The following SNX29 variants were observed in gnomAD, a reference collection of about 807,000 sequenced individuals.
SNX29 encodes the protein sorting nexin 29, also known as sorting nexin-29.
A neutral mutation model predicts 102.1 loss-of-function variants in SNX29; 78 were observed. The ratio of observed to expected loss-of-function variants is 0.76; its 90% CI spans 0.64 to 0.92. SNX29 has a LOEUF of 0.92. Among genes scored for constraint, SNX29 ranks in the 40% least tolerant of loss-of-function variants. The pLI, the probability that SNX29 is intolerant of heterozygous loss-of-function variation, is 0.00. For synonymous variants in SNX29, 580 were observed against 414.5 expected (o/e 1.40, Z -4.85); for missense variants, 1,280 against 1,061.7 (o/e 1.21, Z -2.86).
chr16:12,360,102 G>T (rs1237270710), intron 16 of SNX29, among the ~76,000 whole-genome samples: 1 of 152,218 alleles, frequency 6.6e-6, no homozygotes, highest in Non-Finnish European at 1.5e-5. Flanking sequence ...GGGATTACTG[G>T]CGTGAGCCAC....
intron 13 of SNX29, among the ~76,000 whole-genome samples, chr16:12,153,451 A>G (rs2055385874): frequency 6.8e-6 from 1 of 147,946 alleles, no homozygotes; most frequent in Admixed American, 6.8e-5. Flanking sequence ...CTCCCTCTGA[A>G]TCTTTGTCTC....
At chr16:12,175,699 C>G (rs2076245316) in intron 13 of SNX29, among the ~76,000 whole-genome samples, 1 of 151,710 alleles carries the variant, frequency 6.6e-6, no homozygotes, top group African/African-American at 2.4e-5. Context: ...GACCGATACC[C>G]TTATAAGAAG....
chr16:12,040,462 T>C (rs1322192852), intron 4 of SNX29, among the ~76,000 whole-genome samples: 1 of 152,220 alleles, frequency 6.6e-6, no homozygotes, highest in Non-Finnish European at 1.5e-5. Flanking sequence ...GAGATACAAG[T>C]AGTTGTAGGA....
chr16:12,510,511 A>G (rs1488185228), intron 19 of SNX29, among the ~76,000 whole-genome samples: 28 of 152,076 alleles, frequency 1.8e-4, no homozygotes, highest in Admixed American at 1.8e-3. Flanking sequence ...TGTCTCTACT[A>G]AAAAGACAAA....
intron 16 of SNX29, among the ~76,000 whole-genome samples, chr16:12,363,081 C>G (rs2082353140): frequency 6.6e-6 from 1 of 152,166 alleles, no homozygotes; most frequent in African/African-American, 2.4e-5. Context: ...AGATCCTTTC[C>G]TCTGGCAGGC....
intron 5 of SNX29, among the ~76,000 whole-genome samples, chr16:12,044,587 C>A (rs545830969): frequency 2.6e-5 from 4 of 152,116 alleles, no homozygotes; most frequent in Admixed American, 1.3e-4. Flanking sequence ...TTCTTTCTTT[C>A]CTTTTTTTTG....
At chr16:12,122,356 T>C (rs1279849682) in intron 11 of SNX29, among the ~76,000 whole-genome samples, 1 of 151,944 alleles carries the variant, frequency 6.6e-6, no homozygotes, top group Non-Finnish European at 1.5e-5. Context: ...TGATTACAAG[T>C]GGGGTGGGTG....
intron 20 of SNX29, among the ~76,000 whole-genome samples, chr16:12,555,461 G>A (rs376727036): frequency 6.6e-6 from 1 of 151,788 alleles, no homozygotes; most frequent in Non-Finnish European, 1.5e-5. Flanking sequence ...TGTTTCCCTA[G>A]TTGACATGTC....
chr16:12,425,510 C>T (rs2085030032), intron 18 of SNX29, among the ~76,000 whole-genome samples: 1 of 133,642 alleles, frequency 7.5e-6, no homozygotes, highest in African/African-American at 2.8e-5. Context: ...CAAGTCCACA[C>T]TACCCAAATG....
chr16:12,451,485 C>T (rs1177655902), intron 18 of SNX29, among the ~76,000 whole-genome samples: 1 of 152,228 alleles, frequency 6.6e-6, no homozygotes, highest in Admixed American at 6.5e-5. Flanking sequence ...CTGCTCTGTT[C>T]TATTTACCAA....
At chr16:12,268,255 T>C (rs1157247396) in intron 14 of SNX29, among the ~76,000 whole-genome samples, 1 of 152,242 alleles carries the variant, frequency 6.6e-6, no homozygotes, top group African/African-American at 2.4e-5. Flanking sequence ...AAGCTTCATA[T>C]TGGCACTCAC....
intron 14 of SNX29, among the ~76,000 whole-genome samples, chr16:12,220,139 A>G (rs2077437926): frequency 6.6e-6 from 1 of 152,184 alleles, no homozygotes; most frequent in Non-Finnish European, 1.5e-5. Flanking sequence ...CCGCGCTGTG[A>G]GTTGGAGGTA....
At chr16:12,204,486 C>A (rs1465688411) in intron 14 of SNX29, among the ~76,000 whole-genome samples, 1 of 152,210 alleles carries the variant, frequency 6.6e-6, no homozygotes, top group Admixed American at 6.5e-5. Context: ...CTGTTCATGG[C>A]CACCATAGCG....
intron 9 of SNX29, among the ~76,000 whole-genome samples, chr16:12,067,024 TAAATAAA>T (rs2051070545): frequency 8.8e-6 from 1 of 113,794 alleles, no homozygotes; most frequent in Non-Finnish European, 1.9e-5. Flanking sequence ...AATAAATAAA[TAAATAAA>T]TAAGCAGGCC....
intron 20 of SNX29, among the ~76,000 whole-genome samples, chr16:12,561,869 G>C (rs1251163254): frequency 6.6e-6 from 1 of 152,138 alleles, no homozygotes; most frequent in South Asian, 2.1e-4. Flanking sequence ...GGGACTTATG[G>C]GCTGTCTCCT....
chr16:12,485,342 C>T (rs967753316), intron 19 of SNX29, among the ~76,000 whole-genome samples: 6 of 152,094 alleles, frequency 3.9e-5, no homozygotes, highest in African/African-American at 1.2e-4. Context: ...GCTCAGGGAG[C>T]GAATGAGAAT....
At chr16:12,065,212 G>A (rs1382824468) in intron 9 of SNX29, among the ~76,000 whole-genome samples, 3 of 152,186 alleles carry the variant, frequency 2.0e-5, no homozygotes, top group Admixed American at 1.3e-4. Context: ...GGTTGCAAGA[G>A]GAGACCCCAG....
chr16:12,428,500 C>T (rs1002937426), intron 18 of SNX29, among the ~76,000 whole-genome samples: 5 of 152,216 alleles, frequency 3.3e-5, no homozygotes, highest in Non-Finnish European at 7.3e-5. Flanking sequence ...AAACAAAGGA[C>T]TCACATAGAT....
intron 18 of SNX29, among the ~76,000 whole-genome samples, chr16:12,461,258 G>T (rs1397682644): frequency 2.6e-5 from 4 of 152,154 alleles, no homozygotes; most frequent in African/African-American, 7.2e-5. Context: ...CACAAGTCTG[G>T]TGCCTAGTAG....
Sources: gnomAD v4.1 joint callset for allele counts (sites outside exome capture counted in the v4.1 genomes callset) on GRCh38, gnomAD v4.1.1 for gene constraint, MANE v1.5 for transcripts, NCBI Gene and HGNC (gene_info 2026-07-23, HGNC 2026-07-21) for gene names.